The following ASTN2 variants were observed in gnomAD, a reference collection of about 807,000 sequenced individuals.
The protein encoded by ASTN2 is astrotactin-2.
Under a neutral mutation model 139.8 loss-of-function variants are expected in ASTN2, and 54 were observed. That is an observed-to-expected ratio of 0.39 (90% CI 0.31 to 0.48). The LOEUF is 0.48. Ranked by LOEUF, ASTN2 falls within the 20% of genes least tolerant of loss-of-function variation. ASTN2 has a pLI of 0.95. For synonymous variants in ASTN2, 756 were observed against 719.5 expected, an observed-to-expected ratio of 1.05 and a Z score of -0.81; for missense variants, 1,565 against 1,725.1, an observed-to-expected ratio of 0.91 and a Z score of 1.64.
intron 3 of ASTN2, among the ~76,000 whole-genome samples, chr9:117,176,631 C>A (rs756344342): frequency 6.6e-6 from 1 of 152,060 alleles, no homozygotes; most frequent in Non-Finnish European, 1.5e-5. Flanking sequence ...GAAAGATCAG[C>A]GCTAAAATTT....
At chr9:116,944,681 CAAAAA>C (rs34943919) in intron 10 of ASTN2, among the ~76,000 whole-genome samples, 2 of 53,360 alleles carry the variant, frequency 3.7e-5, no homozygotes, top group African/African-American at 7.2e-5. Flanking sequence ...GACTCTGTCT[CAAAAA>C]AAAAAAAAAA....
chr9:116,743,359 G>A (rs1367137183), intron 13 of ASTN2, among the ~76,000 whole-genome samples: 2 of 152,106 alleles, frequency 1.3e-5, no homozygotes, highest in Non-Finnish European at 2.9e-5. Flanking sequence ...GACCATCCTC[G>A]CTAACATGGT....
At chr9:117,369,092 A>G (rs1587987363) in intron 1 of ASTN2, among the ~76,000 whole-genome samples, 2 of 152,160 alleles carry the variant, frequency 1.3e-5, no homozygotes, top group Admixed American at 1.3e-4. Context: ...CAAATTCTCT[A>G]AGTGTTTTTC....
chr9:116,709,085 C>T lies in ASTN2; in HGVS notation c.2806+16686G>A, dbSNP rs189967337. On this transcript the variant is annotated intron_variant, in intron 16 of 22. Coordinates refer to ENST00000313400, the MANE Select transcript of ASTN2 (RefSeq NM_001365068.1). ...CTCCTGGAAACAGGCTGGTTGTCAC[C>T]GGCCCTCAGCCTGTGACTCTCCATA... Among the ~76,000 whole-genome samples, 429 of 152,310 alleles carry T rather than the reference C, an allele frequency of 2.8e-3. 10 individuals are homozygous for T. Among genetic ancestry groups the T allele is most frequent in the East Asian group, 0.02 (106 of 5,172 alleles).
At chr9:117,122,405 T>C (rs933049149) in intron 4 of ASTN2, among the ~76,000 whole-genome samples, 7 of 142,918 alleles carry the variant, frequency 4.9e-5, no homozygotes, top group East Asian at 1.9e-4. Context: ...TCCACCACAA[T>C]TGCACTAGTG....
At chr9:116,470,536 T>A (rs552129425) in intron 20 of ASTN2, among the ~76,000 whole-genome samples, 1 of 152,246 alleles carries the variant, frequency 6.6e-6, no homozygotes, top group Non-Finnish European at 1.5e-5. Flanking sequence ...AAAAAAACAC[T>A]GTCTCATTGA....
chr9:117,295,314 C>T (rs1564131401), intron 1 of ASTN2, among the ~76,000 whole-genome samples: 2 of 151,642 alleles, frequency 1.3e-5, no homozygotes, highest in Non-Finnish European at 2.9e-5. Context: ...AGAATGAGAC[C>T]CTGTCTTTAA....
At chr9:116,499,451 C>T (rs1206360253) in intron 19 of ASTN2, among the ~76,000 whole-genome samples, 2 of 152,198 alleles carry the variant, frequency 1.3e-5, no homozygotes, top group African/African-American at 4.8e-5. Context: ...TTCTTGGTCA[C>T]TCTTTGCCTT....
intron 4 of ASTN2, among the ~76,000 whole-genome samples, chr9:117,141,009 C>T (rs557860843): frequency 2.0e-5 from 3 of 152,240 alleles, no homozygotes; most frequent in South Asian, 2.1e-4. Context: ...ACTCTCTGAC[C>T]GGCAACAACT....
intron 1 of ASTN2, among the ~76,000 whole-genome samples, chr9:117,308,897 G>T (rs1274580162): frequency 3.3e-5 from 5 of 152,174 alleles, no homozygotes; most frequent in Admixed American, 3.3e-4. Flanking sequence ...GCTAATGCCT[G>T]TTGCATATGG....
chr9:116,493,716 C>T (rs1028239455), intron 19 of ASTN2, among the ~76,000 whole-genome samples: 8 of 152,090 alleles, frequency 5.3e-5, no homozygotes, highest in African/African-American at 1.9e-4. Context: ...ACCGTCAAAG[C>T]CGGCCACATG....
chr9:116,492,207 G>C (rs1207268962), intron 19 of ASTN2, among the ~76,000 whole-genome samples: 3 of 151,490 alleles, frequency 2.0e-5, no homozygotes, highest in African/African-American at 7.3e-5. Context: ...TCAGCCTCCC[G>C]AGTAGCTGGG....
At chr9:116,782,532 C>T (rs1321866312) in intron 13 of ASTN2, among the ~76,000 whole-genome samples, 3 of 152,192 alleles carry the variant, frequency 2.0e-5, no homozygotes, top group African/African-American at 7.2e-5. Flanking sequence ...TCCCTGGGGA[C>T]TGCCACCCAC....
intron 3 of ASTN2, among the ~76,000 whole-genome samples, chr9:117,208,294 CAA>C (rs1832004805): frequency 6.6e-6 from 1 of 151,582 alleles, no homozygotes. Flanking sequence ...ATACATTCAA[CAA>C]AGAGATAGAT....
intron 2 of ASTN2, among the ~76,000 whole-genome samples, chr9:117,257,973 G>T (rs1313253064): frequency 3.3e-5 from 5 of 152,098 alleles, no homozygotes; most frequent in East Asian, 1.9e-4. Flanking sequence ...AGGTTTTTTT[G>T]TTGTTGTTTT....
At chr9:116,597,605 G>A (rs751144532) in intron 19 of ASTN2, among the ~76,000 whole-genome samples, 4 of 151,796 alleles carry the variant, frequency 2.6e-5, no homozygotes, top group Admixed American at 6.6e-5. Context: ...CTATTAATAC[G>A]TCCCAGGAGC....
intron 1 of ASTN2, among the ~76,000 whole-genome samples, chr9:117,383,822 C>G (rs1830329047): frequency 6.6e-6 from 1 of 152,120 alleles, no homozygotes; most frequent in South Asian, 2.1e-4. Flanking sequence ...ACAAATGGAG[C>G]CGGGTGCAAT....
chr9:116,666,758 A>C (rs1424491002), intron 16 of ASTN2, among the ~76,000 whole-genome samples: 1 of 152,070 alleles, frequency 6.6e-6, no homozygotes, highest in African/African-American at 2.4e-5. Flanking sequence ...AAAAAAGAGA[A>C]ACAAATTAAA....
intron 10 of ASTN2, among the ~76,000 whole-genome samples, chr9:116,953,562 C>A (rs551429085): frequency 4.3e-4 from 65 of 152,298 alleles, no homozygotes; most frequent in African/African-American, 1.6e-3. Context: ...TTACAGAGAC[C>A]AGGCAGCTGT....
Sources: allele counts gnomAD v4.1 joint callset (sites outside exome capture counted in the v4.1 genomes callset), GRCh38; gene constraint gnomAD v4.1.1; transcripts MANE v1.5; gene names NCBI Gene and HGNC (gene_info 2026-07-23, HGNC 2026-07-21).